RPAP3: variants seen among roughly 807,000 people sequenced by gnomAD.
RPAP3 encodes RNA polymerase II associated protein 3, also known as RNA polymerase II-associated protein 3.
Under a neutral mutation model 88.8 loss-of-function variants are expected in RPAP3, and 58 were observed. That is an observed-to-expected ratio of 0.65 (90% CI 0.53 to 0.81). The LOEUF (loss-of-function observed/expected upper bound fraction) is 0.81, where lower values mean the gene tolerates loss of function less well. RPAP3 is among the 40% of genes least tolerant of loss of function. The pLI is 0.00. For synonymous variants in RPAP3, 255 were observed against 259.9 expected (o/e 0.98, Z 0.18); for missense variants, 751 against 764.3 (o/e 0.98, Z 0.20).
In RPAP3 at chr12:47,663,374, A is replaced by G. The variant is rs1255637233; in HGVS notation, c.*131T>C. Reference sequence around the variant, plus strand: ...CTAGTTAAATCACAATTCACCTTATAGTTAATTAACTTATGTTCAAAGATA... The same window carrying G: ...CTAGTTAAATCACAATTCACCTTATGGTTAATTAACTTATGTTCAAAGATA... On this transcript the variant is annotated 3_prime_UTR_variant, in exon 17 of 17. Transcript: ENST00000005386. 3 of 595,956 alleles carry G rather than the reference A, an allele frequency of 5.0e-6. No individual in the cohort carries two copies. The highest frequency in any genetic ancestry group is 8.8e-6 in the Non-Finnish European group (3 of 342,262). 36.9% of individuals were successfully genotyped at this position (595,956 alleles called of 1,614,324 possible). A position where few individuals can be genotyped will look rare whatever the true frequency, so the allele number is the denominator to read the frequency against.
Position 47,661,732 on chromosome 12 carries a change from C to T in RPAP3, c.*1773G>A, listed in dbSNP as rs898111728. The T allele has an allele frequency of 2.0e-5, 3 of 152,226 alleles. No individual in the cohort carries two copies. Among genetic ancestry groups the T allele is most frequent in the African/African-American group, 7.2e-5 (3 of 41,452 alleles). The allele number at this position is 152,226 out of a possible 1,614,324, so 9.4% of individuals were successfully genotyped here. A position where few individuals can be genotyped will look rare whatever the true frequency, so the allele number is the denominator to read the frequency against. On this transcript the variant is annotated 3_prime_UTR_variant, in exon 17 of 17. Coordinates refer to ENST00000005386, the MANE Select transcript of RPAP3 (RefSeq NM_024604.3). ...GCTGGAAGTAGTTCAAATAGCTCTA[C>T]ATTAAGAGAAGACAGCACGTTCTGA...
chr12:47,662,925 C>T lies in RPAP3; in HGVS notation c.*580G>A, dbSNP rs1938789334. On this transcript the variant is annotated 3_prime_UTR_variant, in exon 17 of 17. Coordinates refer to ENST00000005386, the MANE Select transcript of RPAP3 (RefSeq NM_024604.3). The stretch of plus-strand genomic sequence containing the variant: ...CATGGATATCTTAAGGGAAAAAACC[C>T]TATGGCATTAAAATGTAAGAATACT... 6.6e-6 allele frequency: 1 copy of T among 152,246 alleles called. No homozygotes were observed. The highest frequency in any genetic ancestry group is 1.5e-5 in the Non-Finnish European group (1 of 68,072). The allele number at this position is 152,246 out of a possible 1,614,324, so 9.4% of individuals were successfully genotyped here.
At position 47,702,741 on chromosome 12, in the gene RPAP3, C is replaced by A; in HGVS notation, c.100G>T (p.Asp34Tyr). 6.2e-7 allele frequency: 1 copy of A among 1,612,924 alleles called. No individual in the cohort carries two copies. Among genetic ancestry groups the A allele is most frequent in the Non-Finnish European group, 8.5e-7 (1 of 1,179,304 alleles). ...FMRDLENWEK[D>Y]IKQKDMELRR... Reference sequence around the variant, plus strand: ...AGTTCCATATCCTTTTGTTTAATGTCTTTTTCCCAGTTTTCTAAATCCCGC... The same window carrying A: ...AGTTCCATATCCTTTTGTTTAATGTATTTTTCCCAGTTTTCTAAATCCCGC... Residue 34 changes from aspartate (D) to tyrosine (Y), a missense_variant, in exon 2 of 17, where the codon GAC becomes TAC. Transcript: ENST00000005386.
At chr12:47,665,882 C>G (rs1334551561) in intron 16 of RPAP3, among the ~76,000 whole-genome samples, 1 of 152,070 alleles carries the variant, frequency 6.6e-6, no homozygotes, top group Non-Finnish European at 1.5e-5. Flanking sequence ...CCTGCCTTAA[C>G]CTCCCAAAGT....
chr12:47,661,764 T>C lies in RPAP3; in HGVS notation c.*1741A>G, dbSNP rs1292784000. ...AGAAGACAGCACGTTCTGAACTGTT[T>C]TGGCCAATTTTTAGCTCTATAATCA... On this transcript the variant is annotated 3_prime_UTR_variant, in exon 17 of 17. Coordinates refer to ENST00000005386, the MANE Select transcript of RPAP3 (RefSeq NM_024604.3). The C allele has an allele frequency of 6.6e-6, 1 of 152,194 alleles. No homozygotes were observed. Among genetic ancestry groups the C allele is most frequent in the Non-Finnish European group, 1.5e-5 (1 of 68,034 alleles). The allele number at this position is 152,194 out of a possible 1,614,324, so 9.4% of individuals were successfully genotyped here.
chr12:47,688,033 C>T (rs1939359619), intron 7 of RPAP3, 32 bp from the exon 8 acceptor site: 1 of 1,575,260 alleles, frequency 6.3e-7, no homozygotes, highest in Non-Finnish European at 8.6e-7. Context: ...TAAAATAAAA[C>T]AAAGTAATGC....
intron 12 of RPAP3, among the ~76,000 whole-genome samples, chr12:47,673,948 TAA>T (rs1033177375): frequency 6.0e-5 from 9 of 150,866 alleles, no homozygotes; most frequent in South Asian, 4.2e-4. Context: ...TCCTTTAATA[TAA>T]GAGAAATAGG....
chr12:47,674,084 T>A (rs1420730958), intron 12 of RPAP3, among the ~76,000 whole-genome samples: 56 of 123,284 alleles, frequency 4.5e-4, no homozygotes, highest in Middle Eastern at 4.3e-3. Context: ...TTAAAGATTC[T>A]AAAAAAAAAA....
At chr12:47,688,806 C>T (rs1939373923) in intron 7 of RPAP3, among the ~76,000 whole-genome samples, 1 of 152,186 alleles carries the variant, frequency 6.6e-6, no homozygotes, top group African/African-American at 2.4e-5. Context: ...TGTCACTTTT[C>T]TCTCAATGTT....
intron 2 of RPAP3, 83 bp downstream of exon 2, chr12:47,702,605 T>C (rs1939677334): frequency 2.6e-6 from 3 of 1,175,260 alleles, no homozygotes; most frequent in Non-Finnish European, 3.5e-6. Flanking sequence ...AATTTCAGTA[T>C]TTTCACAAAA....
Position 47,688,019 on chromosome 12 carries a change from C to A in RPAP3, c.739-18G>T. On this transcript the variant is annotated intron_variant, in intron 7 of 16. Transcript: ENST00000005386. ...GCTAAAGCCTAGGAGACATAGCAGTCAGCTAAAATAAAACAAAGTAATGCA... is the reference window on the plus strand; with the variant it reads ...GCTAAAGCCTAGGAGACATAGCAGTAAGCTAAAATAAAACAAAGTAATGCA... 6.3e-7 allele frequency: 1 copy of A among 1,589,100 alleles called. No homozygotes were observed. Among genetic ancestry groups the A allele is most frequent in the South Asian group, 1.1e-5 (1 of 87,522 alleles).
Position 47,669,879 on chromosome 12 carries a change from C to G in RPAP3, c.1526+228G>C, listed in dbSNP as rs183124007. Among the ~76,000 whole-genome samples the G allele has an allele frequency of 1.5e-3, 225 of 152,034 alleles. 1 individual carries two copies. Among genetic ancestry groups the G allele is most frequent in the Non-Finnish European group, 5.9e-4 (40 of 67,956 alleles). On this transcript the variant is annotated intron_variant, in intron 13 of 16. Transcript: ENST00000005386. ...TTAAACAAAATCAATTTTCAAGATACCTTCTTATCTTTAAATTTCACACTG... is the reference window on the plus strand; with the variant it reads ...TTAAACAAAATCAATTTTCAAGATAGCTTCTTATCTTTAAATTTCACACTG...
intron 5 of RPAP3, 72 bp downstream of exon 5, chr12:47,696,202 CCA>C (rs1378413985): frequency 3.2e-5 from 41 of 1,264,254 alleles, no homozygotes; most frequent in Non-Finnish European, 3.9e-5. Context: ...ACACTTTATT[CCA>C]CACTTTTTTT....
intron 10 of RPAP3, among the ~76,000 whole-genome samples, chr12:47,680,233 T>A (rs753837515): frequency 6.6e-6 from 1 of 152,128 alleles, no homozygotes; most frequent in Non-Finnish European, 1.5e-5. Context: ...TCCACTTACA[T>A]AGGATATCTA....
chr12:47,691,209 C>T (rs1232761636), intron 5 of RPAP3, among the ~76,000 whole-genome samples: 2 of 152,138 alleles, frequency 1.3e-5, no homozygotes, highest in Admixed American at 1.3e-4. Flanking sequence ...ATATAATGTT[C>T]TAAATCTTCA....
chr12:47,671,303 G>A (rs1218436116), intron 12 of RPAP3, among the ~76,000 whole-genome samples: 1 of 152,146 alleles, frequency 6.6e-6, no homozygotes, highest in Admixed American at 6.5e-5. Flanking sequence ...TTGATTAACA[G>A]TTGCAGCTAT....
intron 15 of RPAP3, 62 bp from the exon 16 acceptor site, chr12:47,667,142 C>G: frequency 1.5e-6 from 1 of 687,708 alleles, no homozygotes; most frequent in Non-Finnish European, 2.2e-6. Flanking sequence ...ATTAATAATT[C>G]TGTTTACTAA....
At chr12:47,679,842 T>G (rs147413492) in intron 10 of RPAP3, 68 bp from the exon 11 acceptor site, 3 of 1,082,600 alleles carry the variant, frequency 2.8e-6, no homozygotes, top group Non-Finnish European at 2.8e-6. Flanking sequence ...CGCATGTATA[T>G]TCATGATATA....
chr12:47,681,620 A>T (rs1939224524), intron 10 of RPAP3, 76 bp downstream of exon 10: 1 of 1,446,130 alleles, frequency 6.9e-7, no homozygotes, highest in Non-Finnish European at 9.5e-7. Flanking sequence ...AACCATGGGT[A>T]AGCTACATGA....
Sources: allele counts gnomAD v4.1 joint callset (sites outside exome capture counted in the v4.1 genomes callset), GRCh38; gene constraint gnomAD v4.1.1; transcripts MANE v1.5; gene names NCBI Gene and HGNC (gene_info 2026-07-23, HGNC 2026-07-21).